G3BP1: variants seen among roughly 807,000 people sequenced by gnomAD.
G3BP1 encodes the protein ras GTPase-activating protein-binding protein 1.
Under a neutral mutation model 58.6 loss-of-function variants are expected in G3BP1, and 35 were observed. That is an observed-to-expected ratio of 0.60 (90% CI 0.46 to 0.79). The LOEUF is 0.79. Ranked by LOEUF, G3BP1 falls within the 30% of genes least tolerant of loss-of-function variation. G3BP1 has a pLI of 0.00. For synonymous variants in G3BP1, 191 were observed against 195.4 expected, an observed-to-expected ratio of 0.98 and a Z score of 0.19; for missense variants, 523 against 580.8, an observed-to-expected ratio of 0.90 and a Z score of 1.02.
chr5:151,802,349 C>T (rs1045923881), intron 11 of G3BP1, among the ~76,000 whole-genome samples: 1 of 152,222 alleles, frequency 6.6e-6, no homozygotes, highest in African/African-American at 2.4e-5. Context: ...AGTGGCCACC[C>T]TTCATTTCAT....
In G3BP1 at chr5:151,812,554, C is replaced by T. The variant is rs1763031528; in HGVS notation, c.*8463C>T. On this transcript the variant is annotated 3_prime_UTR_variant, in exon 12 of 12. Coordinates refer to ENST00000356245, the MANE Select transcript of G3BP1 (RefSeq NM_005754.3). Reference sequence around the variant, plus strand: ...TGAAGGGCAAGTCCTTTGGGGATGACTTCTAATTAATGCAGAAGTCATTTG... The same window carrying T: ...TGAAGGGCAAGTCCTTTGGGGATGATTTCTAATTAATGCAGAAGTCATTTG... 6.6e-6 allele frequency: 1 copy of T among 152,194 alleles called. No homozygotes were observed. Among genetic ancestry groups the T allele is most frequent in the African/African-American group, 2.4e-5 (1 of 41,430 alleles). The allele number at this position is 152,194 out of a possible 1,614,324, so 9.4% of individuals were successfully genotyped here. A position where few individuals can be genotyped will look rare whatever the true frequency, so the allele number is the denominator to read the frequency against.
chr5:151,802,802 G>A (rs1762875772), intron 11 of G3BP1, among the ~76,000 whole-genome samples: 3 of 152,112 alleles, frequency 2.0e-5, no homozygotes, highest in Admixed American at 1.3e-4. Context: ...GTGTGGTGGC[G>A]GACGCCTGTA....
At chr5:151,786,153 A>C (rs1762552288) in intron 1 of G3BP1, among the ~76,000 whole-genome samples, 1 of 152,134 alleles carries the variant, frequency 6.6e-6, no homozygotes, top group Admixed American at 6.5e-5. Flanking sequence ...GCCGGGCATG[A>C]TGGCGCTTGC....
At chr5:151,780,013 A>G (rs1199171726) in intron 1 of G3BP1, among the ~76,000 whole-genome samples, 1 of 152,194 alleles carries the variant, frequency 6.6e-6, no homozygotes. Flanking sequence ...ATTTTATTAG[A>G]TAGTGCAAAA....
intron 2 of G3BP1, 113 bp downstream of exon 2, chr5:151,786,828 A>T: frequency 1.5e-6 from 1 of 687,336 alleles, no homozygotes; most frequent in Non-Finnish European, 2.6e-6. Context: ...CATAATACTT[A>T]TTTACATATA....
intron 1 of G3BP1, among the ~76,000 whole-genome samples, chr5:151,783,746 A>G (rs992447404): frequency 6.6e-6 from 1 of 151,974 alleles, no homozygotes; most frequent in Non-Finnish European, 1.5e-5. Context: ...ATCTTTGATC[A>G]GTGAAGAACT....
intron 5 of G3BP1, among the ~76,000 whole-genome samples, chr5:151,795,097 G>A (rs1219322243): frequency 1.3e-5 from 2 of 152,300 alleles, no homozygotes; most frequent in East Asian, 3.9e-4. Flanking sequence ...CTAACATGGT[G>A]AAACCCCATC....
At position 151,800,855 on chromosome 5, in the gene G3BP1, G is replaced by C; in HGVS notation, c.1180G>C (p.Val394Leu). 1 of 1,565,960 alleles carries C rather than the reference G, an allele frequency of 6.4e-7. No individual in the cohort carries two copies. Among genetic ancestry groups the C allele is most frequent in the East Asian group, 2.2e-5 (1 of 44,610 alleles). ...TGATGATTCTGAGCCTGTTCAGAAAGTCCTTAGCAACAGGGTAAGCAGCTT... is the reference window on the plus strand; with the variant it reads ...TGATGATTCTGAGCCTGTTCAGAAACTCCTTAGCAACAGGGTAAGCAGCTT... The part of the protein sequence containing the change: ...VFDDSEPVQK[V>L]LSNRPIMFRG... Residue 394 changes from valine to leucine, a missense_variant, in exon 11 of 12, where the codon GTC (valine) becomes CTC (leucine). Val to Leu is a conservative substitution (Grantham distance 32). Coordinates refer to ENST00000356245, the MANE Select transcript of G3BP1 (RefSeq NM_005754.3).
Position 151,791,005 on chromosome 5 carries a change from C to T in G3BP1, c.294C>T (p.Leu98=), listed in dbSNP as rs186640106. 5.6e-6 allele frequency: 9 copies of T among 1,613,768 alleles called. No homozygotes were observed. The Admixed American group carries it at 8.3e-5, about 15-fold the overall frequency. Residue 98 remains leucine (L), a synonymous_variant, in exon 4 of 12, where the codon CTC becomes CTT. Coordinates refer to ENST00000356245, the MANE Select transcript of G3BP1 (RefSeq NM_005754.3). The part of the protein sequence containing the change: ...DGVVVQVMGL[L]SNNNQALRRF... ...TGGTAGTCCAGGTGATGGGGCTTCT[C>T]TCTAACAACAACCAGGCTTTGAGGA... is the stretch of plus-strand genomic sequence containing the variant.
Position 151,786,706 on chromosome 5 carries a change from T to C in G3BP1, c.86T>C (p.Met29Thr), listed in dbSNP as rs1762559963. Reference sequence around the variant, plus strand: ...ACACTGCTGAACCAGGCCCCAGACATGCTGCATAGGTAAGACATTTTTCTC... The same window carrying C: ...ACACTGCTGAACCAGGCCCCAGACACGCTGCATAGGTAAGACATTTTTCTC... ...YYTLLNQAPD[M>T]LHRFYGKNSS... The change falls in exon 2 of 12, where the codon ATG becomes ACG. Residue 29 changes from methionine to threonine, a missense_variant. Met to Thr is a moderately conservative substitution (Grantham distance 81). Around this residue, in one of 2 missense-constraint regions of G3BP1, gnomAD observed 398 missense variants for 399.1 expected, o/e 1.00. Transcript: ENST00000356245. The C allele has an allele frequency of 6.2e-7, 1 of 1,600,314 alleles. No individual in the cohort carries two copies. The highest frequency in any genetic ancestry group is 8.6e-7 in the Non-Finnish European group (1 of 1,167,398).
intron 4 of G3BP1, among the ~76,000 whole-genome samples, chr5:151,793,157 G>A (rs1762689639): frequency 6.6e-6 from 1 of 152,030 alleles, no homozygotes; most frequent in African/African-American, 2.4e-5. Context: ...CGCCCAGGCT[G>A]GAGTGCAGAG....
chr5:151,801,619 T>G (rs193042685), intron 11 of G3BP1, among the ~76,000 whole-genome samples: 11 of 152,208 alleles, frequency 7.2e-5, no homozygotes, highest in Non-Finnish European at 1.5e-4. Context: ...ATTCCAAAAG[T>G]TTTTTACTAA....
chr5:151,802,887 C>G (rs376366015), intron 11 of G3BP1, among the ~76,000 whole-genome samples: 1 of 152,066 alleles, frequency 6.6e-6, no homozygotes, highest in Non-Finnish European at 1.5e-5. Flanking sequence ...GAGCCGAGAT[C>G]GCGCCACTGC....
chr5:151,789,367 T>G, intron 2 of G3BP1, among the ~76,000 whole-genome samples: 1 of 143,148 alleles, frequency 7.0e-6, no homozygotes, highest in East Asian at 2.2e-4. Flanking sequence ...AGACTCTGTC[T>G]TAAAAAAAAA....
chr5:151,781,008 T>G (rs1305894647), intron 1 of G3BP1, among the ~76,000 whole-genome samples: 1 of 152,160 alleles, frequency 6.6e-6, no homozygotes, highest in Non-Finnish European at 1.5e-5. Flanking sequence ...GCAGATTTTT[T>G]TCAATGAATA....
At chr5:151,794,635 A>G (rs1762719552) in intron 5 of G3BP1, among the ~76,000 whole-genome samples, 1 of 152,222 alleles carries the variant, frequency 6.6e-6, no homozygotes, top group South Asian at 2.1e-4. Context: ...GGCAGTAAAC[A>G]TGACTACTCT....
At chr5:151,799,371 A>C in intron 8 of G3BP1, 58 bp downstream of exon 8, 1 of 888,752 alleles carries the variant, frequency 1.1e-6, no homozygotes, top group Non-Finnish European at 1.9e-6. Context: ...TGGTAATTTG[A>C]TTCAACAGAG....
chr5:151,809,063 G>T lies in G3BP1; in HGVS notation c.*4972G>T, dbSNP rs74855689. The stretch of plus-strand genomic sequence containing the variant: ...GTGGTGGCGCATTCCTATAGTCTCC[G>T]TCTCTCAGGAGGCTGAGGCAGGAGA... On this transcript the variant is annotated 3_prime_UTR_variant, in exon 12 of 12. Coordinates refer to ENST00000356245, the MANE Select transcript of G3BP1 (RefSeq NM_005754.3). 1 of 152,206 alleles carries T rather than the reference G, an allele frequency of 6.6e-6. No individual in the cohort carries two copies. The highest frequency in any genetic ancestry group is 1.5e-5 in the Non-Finnish European group (1 of 68,110). 9.4% of individuals were successfully genotyped at this position (152,206 alleles called of 1,614,324 possible).
At chr5:151,786,993 C>A in intron 2 of G3BP1, 5 of 212,562 alleles carry the variant, frequency 2.4e-5, no homozygotes, top group Non-Finnish European at 2.8e-5. Flanking sequence ...CAGGTGCCCA[C>A]AACCATGCCC....
Sources: gnomAD v4.1 joint callset for allele counts (sites outside exome capture counted in the v4.1 genomes callset) on GRCh38, gnomAD v4.1.1 for gene constraint, gnomAD v4.1.1 regional missense constraint, MANE v1.5 for transcripts, NCBI Gene and HGNC (gene_info 2026-07-23, HGNC 2026-07-21) for gene names.